The following OPHN1 variants were observed in gnomAD, a reference collection of about 807,000 sequenced individuals.
OPHN1 encodes the protein oligophrenin-1.
OPHN1 carries 11 observed loss-of-function variants against 60.7 expected under a neutral mutation model. That is an observed-to-expected ratio of 0.18 (90% CI 0.11 to 0.30). The LOEUF (loss-of-function observed/expected upper bound fraction) is 0.30, where lower values mean the gene tolerates loss of function less well. Among genes scored for constraint, OPHN1 ranks in the 10% least tolerant of loss-of-function variants. The pLI is 1.00. For missense variants in OPHN1, 449 were observed against 611.0 expected, an observed-to-expected ratio of 0.73 and a Z score of 2.80; for synonymous variants, 226 against 222.6, an observed-to-expected ratio of 1.02 and a Z score of -0.14.
chrX:68,409,774 A>G (rs2078760740), intron 2 of OPHN1, among the ~76,000 whole-genome samples: 1 of 112,211 alleles, frequency 8.9e-6, no homozygotes, highest in South Asian at 3.7e-4. Context: ...ATTCCTCTTG[A>G]AGTTTCAAAG....
intron 15 of OPHN1, among the ~76,000 whole-genome samples, chrX:68,158,130 G>A (rs2077318283): frequency 1.8e-5 from 2 of 111,590 alleles, no homozygotes; most frequent in African/African-American, 6.5e-5. Flanking sequence ...TTTCTATCCA[G>A]TGATATGGGA....
At chrX:68,243,310 T>C (rs907747883) in intron 5 of OPHN1, among the ~76,000 whole-genome samples, 2 of 111,748 alleles carry the variant, frequency 1.8e-5, no homozygotes, top group African/African-American at 6.5e-5. Context: ...GATGGTTGCA[T>C]ATCATTTTTA....
intron 2 of OPHN1, among the ~76,000 whole-genome samples, chrX:68,383,598 G>GAA (rs10591078): frequency 0.017 from 388 of 22,361 alleles, 23 homozygotes; most frequent in Non-Finnish European, 0.029. Flanking sequence ...CTCCATCCCA[G>GAA]AAAAAAAAAA....
At chrX:68,380,472 C>T (rs2078590180) in intron 2 of OPHN1, among the ~76,000 whole-genome samples, 1 of 111,276 alleles carries the variant, frequency 9.0e-6, no homozygotes, top group Non-Finnish European at 1.9e-5. Context: ...CTTCTGCTAG[C>T]TTTTGAATGT....
intron 2 of OPHN1, among the ~76,000 whole-genome samples, chrX:68,379,224 GCTCT>G (rs939516064): frequency 3.6e-4 from 40 of 110,754 alleles, no homozygotes; most frequent in African/African-American, 1.2e-3. Context: ...TCATGATTTG[GCTCT>G]CTGTCTGTTA....
At chrX:68,318,817 T>C (rs979421294) in intron 2 of OPHN1, among the ~76,000 whole-genome samples, 1 of 111,861 alleles carries the variant, frequency 8.9e-6, no homozygotes, top group Non-Finnish European at 1.9e-5. Context: ...CTTTCCTTGT[T>C]CTTGATGACC....
intron 2 of OPHN1, among the ~76,000 whole-genome samples, chrX:68,317,479 A>AAGGGAGAGAGGG (rs201807489): frequency 9.2e-5 from 8 of 87,040 alleles, no homozygotes; most frequent in Non-Finnish European, 1.5e-4. Flanking sequence ...GAGGAGGAGG[A>AAGGGAGAGAGGG]AGGGAGAGAG....
chrX:68,231,298 C>A (rs374781021), intron 6 of OPHN1, among the ~76,000 whole-genome samples: 1 of 111,843 alleles, frequency 8.9e-6, no homozygotes, highest in South Asian at 3.7e-4. Flanking sequence ...AATGGTACAA[C>A]GCAGAATAGT....
chrX:68,119,027 T>C (rs1425972831), intron 16 of OPHN1, among the ~76,000 whole-genome samples: 1 of 112,166 alleles, frequency 8.9e-6, no homozygotes, highest in Non-Finnish European at 1.9e-5. Flanking sequence ...CTTTTTAGCC[T>C]TTTTTCAGTA....
chrX:68,209,224 T>C (rs1428835358), intron 9 of OPHN1, among the ~76,000 whole-genome samples: 1 of 111,878 alleles, frequency 8.9e-6, no homozygotes, highest in Non-Finnish European at 1.9e-5. Flanking sequence ...TGCATAATGT[T>C]ACTGAGGAAT....
intron 15 of OPHN1, among the ~76,000 whole-genome samples, chrX:68,177,084 A>G (rs186848628): frequency 5.5e-5 from 6 of 110,050 alleles, no homozygotes; most frequent in African/African-American, 2.0e-4. Context: ...ATGAATCTAG[A>G]GGATATTACA....
intron 3 of OPHN1, among the ~76,000 whole-genome samples, chrX:68,290,598 CA>C (rs375557061): frequency 1.6e-4 from 15 of 92,935 alleles, no homozygotes; most frequent in Non-Finnish European, 2.2e-4. Context: ...GACTCCATCT[CA>C]AAAAAAAAAG....
At chrX:68,096,782 G>A in intron 19 of OPHN1, 88 bp downstream of exon 19, 1 of 950,342 alleles carries the variant, frequency 1.1e-6, no homozygotes, top group East Asian at 3.1e-5. Flanking sequence ...GTCAACGTGA[G>A]CCAAGGAGGA....
At chrX:68,256,531 C>T (rs2077864554) in intron 5 of OPHN1, among the ~76,000 whole-genome samples, 1 of 111,326 alleles carries the variant, frequency 9.0e-6, no homozygotes, top group African/African-American at 3.3e-5. Context: ...ACAGGCACAC[C>T]TCATTTTTAT....
intron 15 of OPHN1, among the ~76,000 whole-genome samples, chrX:68,151,808 A>G (rs755956153): frequency 8.9e-6 from 1 of 112,031 alleles, no homozygotes; most frequent in Admixed American, 9.5e-5. Flanking sequence ...TCGAACTGCT[A>G]TAAAGAACTA....
intron 20 of OPHN1, among the ~76,000 whole-genome samples, chrX:68,067,972 A>T (rs1176023664): frequency 1.8e-5 from 2 of 111,592 alleles, no homozygotes; most frequent in Non-Finnish European, 3.8e-5. Context: ...AGTTGGGAAA[A>T]CTACTCATCA....
At chrX:68,159,972 G>A (rs1214165242) in intron 15 of OPHN1, among the ~76,000 whole-genome samples, 1 of 104,980 alleles carries the variant, frequency 9.5e-6, no homozygotes, top group Non-Finnish European at 1.9e-5. Flanking sequence ...TTAATCAAAA[G>A]GCACATATTT....
rs750266587 is a variant in OPHN1, at chrX:68,093,095, C to A, written c.1686+3775G>T. Among the ~76,000 whole-genome samples, 26 of 110,914 alleles carry A rather than the reference C, an allele frequency of 2.3e-4. No homozygotes were observed. The South Asian group carries it at 0.01, about 43-fold the overall frequency. On this transcript the variant is annotated intron_variant, in intron 19 of 24. Transcript: ENST00000355520. ...CAAAAATCTTTACTATGTGGATGACCCTTCAGCAACTCTTGCCTCAAAGTT... is the reference window on the plus strand; with the variant it reads ...CAAAAATCTTTACTATGTGGATGACACTTCAGCAACTCTTGCCTCAAAGTT...
At position 68,317,338 on chromosome X, in the gene OPHN1, G is replaced by GGAAAGAAAGAAAGAAAGAAAGAAA. The variant is rs796692093; in HGVS notation, c.155-18266_155-18243dup. Reference sequence around the variant, plus strand: ...AAAAGAAGAAGAAGAAAGAAAGAGAGGAAAGAAAGAAAGAAAGAAAGAAAG... The same window carrying GGAAAGAAAGAAAGAAAGAAAGAAA: ...AAAAGAAGAAGAAGAAAGAAAGAGAGGAAAGAAAGAAAGAAAGAAAGAAAGAAAGAAAGAAAGAAAGAAAGAAAG... On this transcript the variant is annotated intron_variant, in intron 2 of 24. Transcript: ENST00000355520. Among the ~76,000 whole-genome samples the GGAAAGAAAGAAAGAAAGAAAGAAA allele has an allele frequency of 9.1e-3, 261 of 28,793 alleles. 11 individuals carry two copies. Among genetic ancestry groups the GGAAAGAAAGAAAGAAAGAAAGAAA allele is most frequent in the Middle Eastern group, 0.047 (2 of 43 alleles). 25.0% of individuals were successfully genotyped at this position (28,793 alleles called of 115,157 possible).
Sources: allele counts gnomAD v4.1 joint callset (sites outside exome capture counted in the v4.1 genomes callset), GRCh38; gene constraint gnomAD v4.1.1; transcripts MANE v1.5; gene names NCBI Gene and HGNC (gene_info 2026-07-23, HGNC 2026-07-21).